IQCJ: variants seen among roughly 807,000 people sequenced by gnomAD.
The protein encoded by IQCJ is IQ domain-containing protein J.
A neutral mutation model predicts 11.0 loss-of-function variants in IQCJ; 9 were observed. That is an observed-to-expected ratio of 0.82 (90% CI 0.49 to 1.43). The LOEUF is 1.43. Among genes scored for constraint, IQCJ ranks in the 40% most tolerant of loss-of-function variants. The pLI, the probability that IQCJ is intolerant of heterozygous loss-of-function variation, is 0.00. For synonymous variants in IQCJ, 55 were observed against 51.3 expected (o/e 1.07, Z -0.31); for missense variants, 146 against 133.2 (o/e 1.10, Z -0.47).
At chr3:159,221,093 C>T (rs1725511303) in intron 1 of IQCJ, among the ~76,000 whole-genome samples, 1 of 152,030 alleles carries the variant, frequency 6.6e-6, no homozygotes, top group Non-Finnish European at 1.5e-5. Context: ...AAAACAACAC[C>T]TGTTTCATTG....
At chr3:159,072,388 A>G (rs536730213) in intron 1 of IQCJ, among the ~76,000 whole-genome samples, 14 of 152,160 alleles carry the variant, frequency 9.2e-5, no homozygotes, top group African/African-American at 3.4e-4. Flanking sequence ...GAGTGGATGG[A>G]AAAGAAAGGA....
At chr3:159,120,942 T>C (rs1719334640) in intron 1 of IQCJ, among the ~76,000 whole-genome samples, 2 of 152,064 alleles carry the variant, frequency 1.3e-5, no homozygotes, top group Admixed American at 1.3e-4. Context: ...ATTTTTTTTT[T>C]CAAATAAGAT....
At chr3:159,094,155 C>T (rs1006908830) in intron 1 of IQCJ, among the ~76,000 whole-genome samples, 4 of 151,690 alleles carry the variant, frequency 2.6e-5, no homozygotes, top group Admixed American at 2.6e-4. Flanking sequence ...AGTGACATTT[C>T]CTTCATTCAC....
intron 1 of IQCJ, among the ~76,000 whole-genome samples, chr3:159,188,094 G>T (rs1723476698): frequency 6.6e-6 from 1 of 152,116 alleles, no homozygotes; most frequent in Non-Finnish European, 1.5e-5. Flanking sequence ...GGTGCTCTCA[G>T]CCTTTTTCTT....
chr3:159,091,042 A>T (rs554195172), intron 1 of IQCJ, among the ~76,000 whole-genome samples: 2 of 151,984 alleles, frequency 1.3e-5, no homozygotes, highest in African/African-American at 4.8e-5. Flanking sequence ...AAATGATGTT[A>T]ATATAATTAA....
rs925231955 is a variant in IQCJ, at chr3:159,230,788, C to T, written c.10-15055C>T. Reference sequence around the variant, plus strand: ...TAGCCATATTAATTTAAAAATTACACGATATTCACTTTCTGTCTTATCCAG... The same window carrying T: ...TAGCCATATTAATTTAAAAATTACATGATATTCACTTTCTGTCTTATCCAG... On this transcript the variant is annotated intron_variant, in intron 1 of 3. Coordinates refer to ENST00000397832, the MANE Select transcript of IQCJ (RefSeq NM_001042706.3). 1.6e-4 allele frequency among the ~76,000 whole-genome samples: 25 copies of T among 152,264 alleles called. 1 individual carries two copies. Among genetic ancestry groups the T allele is most frequent in the Admixed American group, 5.9e-4 (9 of 15,306 alleles).
chr3:159,111,079 C>G (rs1485480320), intron 1 of IQCJ, among the ~76,000 whole-genome samples: 1 of 152,174 alleles, frequency 6.6e-6, no homozygotes, highest in South Asian at 2.1e-4. Flanking sequence ...GGCTGCAGGC[C>G]TCCTGCTGCT....
chr3:159,239,118 G>A (rs2108175170), intron 1 of IQCJ, among the ~76,000 whole-genome samples: 1 of 152,140 alleles, frequency 6.6e-6, no homozygotes, highest in East Asian at 1.9e-4. Flanking sequence ...GTGAAGATCT[G>A]TGGAGTAACA....
chr3:159,185,454 T>C (rs947448954), intron 1 of IQCJ, among the ~76,000 whole-genome samples: 1 of 152,210 alleles, frequency 6.6e-6, no homozygotes, highest in African/African-American at 2.4e-5. Flanking sequence ...ACTATATTCA[T>C]CAAAGCTATG....
chr3:159,128,209 G>A (rs1719784854), intron 1 of IQCJ, among the ~76,000 whole-genome samples: 1 of 152,200 alleles, frequency 6.6e-6, no homozygotes, highest in South Asian at 2.1e-4. Flanking sequence ...ACAATGGGCT[G>A]AGATTACCAG....
At chr3:159,130,308 C>G (rs1240484571) in intron 1 of IQCJ, among the ~76,000 whole-genome samples, 1 of 152,032 alleles carries the variant, frequency 6.6e-6, no homozygotes, top group Non-Finnish European at 1.5e-5. Context: ...CACGGGGAGG[C>G]AGTATGTGAT....
At chr3:159,124,573 A>G (rs1719562405) in intron 1 of IQCJ, among the ~76,000 whole-genome samples, 1 of 152,126 alleles carries the variant, frequency 6.6e-6, no homozygotes, top group Non-Finnish European at 1.5e-5. Flanking sequence ...GACACATGCC[A>G]TCATAGCACC....
intron 1 of IQCJ, among the ~76,000 whole-genome samples, chr3:159,125,273 G>A (rs2108149424): frequency 6.6e-6 from 1 of 152,250 alleles, no homozygotes; most frequent in Admixed American, 6.5e-5. Context: ...TACCTGACCA[G>A]CACTTCTCAA....
chr3:159,122,434 G>A (rs1050861278), intron 1 of IQCJ, among the ~76,000 whole-genome samples: 2 of 152,156 alleles, frequency 1.3e-5, no homozygotes, highest in South Asian at 4.1e-4. Flanking sequence ...ACTGAGAAAT[G>A]CTCCTTAGAA....
At chr3:159,127,557 G>A (rs761831138) in intron 1 of IQCJ, among the ~76,000 whole-genome samples, 1 of 152,044 alleles carries the variant, frequency 6.6e-6, no homozygotes, top group South Asian at 2.1e-4. Flanking sequence ...GAACCTCCTC[G>A]TTGTATATTA....
chr3:159,114,439 T>C (rs1414624522), intron 1 of IQCJ, among the ~76,000 whole-genome samples: 2 of 151,942 alleles, frequency 1.3e-5, no homozygotes, highest in East Asian at 1.9e-4. Flanking sequence ...GCCCCCCTCA[T>C]AGCTGGGACT....
intron 1 of IQCJ, among the ~76,000 whole-genome samples, chr3:159,165,815 A>C (rs1428820230): frequency 6.2e-5 from 9 of 145,746 alleles, no homozygotes; most frequent in African/African-American, 2.3e-4. Flanking sequence ...TTTTTTAGTA[A>C]AGACAGGGTT....
chr3:159,131,721 A>C (rs868360391), intron 1 of IQCJ, among the ~76,000 whole-genome samples: 2 of 152,098 alleles, frequency 1.3e-5, no homozygotes, highest in African/African-American at 2.4e-5. Flanking sequence ...GTTCCCTTGA[A>C]CCAGCTGAGC....
intron 1 of IQCJ, among the ~76,000 whole-genome samples, chr3:159,138,815 A>G (rs1388295273): frequency 1.3e-5 from 2 of 152,238 alleles, no homozygotes; most frequent in African/African-American, 4.8e-5. Flanking sequence ...TGGGGTTGAT[A>G]CACTTAATCT....
Sources: allele counts gnomAD v4.1 joint callset (sites outside exome capture counted in the v4.1 genomes callset), GRCh38; gene constraint gnomAD v4.1.1; transcripts MANE v1.5; gene names NCBI Gene and HGNC (gene_info 2026-07-23, HGNC 2026-07-21).